Variants in PNLIPRP3 observed in about 807,000 individuals in gnomAD.
The protein encoded by PNLIPRP3 is pancreatic lipase related protein 3.
Under a neutral mutation model 52.8 loss-of-function variants are expected in PNLIPRP3, and 58 were observed. The observed-to-expected ratio is 1.10, with a 90% CI of 0.89 to 1.37. PNLIPRP3 has a LOEUF of 1.37. Among genes scored for constraint, PNLIPRP3 ranks in the 40% most tolerant of loss-of-function variants. The pLI, the probability that PNLIPRP3 is intolerant of heterozygous loss-of-function variation, is 0.00. For missense variants in PNLIPRP3, 593 were observed against 561.6 expected (o/e 1.06, Z -0.57); for synonymous variants, 192 against 185.0 (o/e 1.04, Z -0.31).
intron 9 of PNLIPRP3, among the ~76,000 whole-genome samples, chr10:116,470,231 G>C (rs1339524169): frequency 1.3e-5 from 2 of 152,240 alleles, no homozygotes; most frequent in East Asian, 3.9e-4. Context: ...GAGGCAGGTA[G>C]AGATACGGAT....
chr10:116,434,169 C>T (rs1043027913), intron 1 of PNLIPRP3, among the ~76,000 whole-genome samples: 3 of 152,080 alleles, frequency 2.0e-5, no homozygotes, highest in African/African-American at 7.2e-5. Context: ...TCTTTCTCTC[C>T]TTTTGTGACC....
At chr10:116,453,024 G>A (rs965498894) in intron 4 of PNLIPRP3, among the ~76,000 whole-genome samples, 3 of 152,176 alleles carry the variant, frequency 2.0e-5, no homozygotes, top group Admixed American at 1.3e-4. Context: ...AAACTGGCAG[G>A]CACTCAACTC....
At chr10:116,435,969 C>G (rs923880260) in intron 1 of PNLIPRP3, among the ~76,000 whole-genome samples, 1 of 152,162 alleles carries the variant, frequency 6.6e-6, no homozygotes, top group African/African-American at 2.4e-5. Flanking sequence ...TTAATCAAGA[C>G]AGTGTGATAC....
rs773230317 is a variant in PNLIPRP3 at position 116,469,319 on chromosome 10, T to C, written c.1060+2T>C. 12 of 1,599,568 alleles carry C rather than the reference T, an allele frequency of 7.5e-6. No homozygotes were observed. The highest frequency in any genetic ancestry group is 1.0e-5 in the Non-Finnish European group (12 of 1,174,330). On this transcript the variant is annotated splice_donor_variant, in intron 9 of 11. Transcript: ENST00000369230. LOFTEE classifies it high-confidence loss of function. ...CAGGGTCCCTTTCCCCATTTGCCCG[T>C]AAGTATCATAGCTAAGTTTAATTGT... is the stretch of plus-strand genomic sequence containing the variant.
chr10:116,469,485 A>G (rs771577446), intron 9 of PNLIPRP3, among the ~76,000 whole-genome samples, 168 bp downstream of exon 9: 19 of 152,260 alleles, frequency 1.2e-4, no homozygotes, highest in Non-Finnish European at 8.8e-5. Flanking sequence ...AGTGGGAAAG[A>G]CAGCAAGTAA....
At chr10:116,468,263 C>A (rs2133153470) in intron 8 of PNLIPRP3, among the ~76,000 whole-genome samples, 1 of 151,076 alleles carries the variant, frequency 6.6e-6, no homozygotes, top group African/African-American at 2.4e-5. Flanking sequence ...GCATTTCCTT[C>A]TTTATTAGAC....
chr10:116,475,160 A>T (rs1278919396), intron 10 of PNLIPRP3, among the ~76,000 whole-genome samples: 1 of 152,228 alleles, frequency 6.6e-6, no homozygotes, highest in Non-Finnish European at 1.5e-5. Context: ...GGAGGCCATT[A>T]TCCTTAGCAA....
intron 2 of PNLIPRP3, among the ~76,000 whole-genome samples, chr10:116,441,040 G>A (rs765150358): frequency 6.6e-6 from 1 of 152,070 alleles, no homozygotes; most frequent in Non-Finnish European, 1.5e-5. Flanking sequence ...GTACAATATT[G>A]ACATCATTTC....
chr10:116,440,007 C>T, intron 2 of PNLIPRP3: 3 of 772,152 alleles, frequency 3.9e-6, no homozygotes, highest in Non-Finnish European at 7.1e-6. Context: ...CATAAGCAGA[C>T]ATCTTGCCGT....
At position 116,455,595 on chromosome 10, in the gene PNLIPRP3, A is replaced by T. The variant is rs941062102; in HGVS notation, c.457-127A>T. On this transcript the variant is annotated intron_variant, in intron 4 of 11. Coordinates refer to ENST00000369230, the MANE Select transcript of PNLIPRP3 (RefSeq NM_001011709.3). ...GGCAGAGGTGTCACTTTGTGACTTTACCAGTCCCTGTCTTATGTGCAAAAG... is the reference window on the plus strand; with the variant it reads ...GGCAGAGGTGTCACTTTGTGACTTTTCCAGTCCCTGTCTTATGTGCAAAAG... 7.5e-6 allele frequency: 5 copies of T among 668,548 alleles called. No individual in the cohort carries two copies. In the Admixed American group the frequency reaches 1.4e-4, roughly 19 times the overall value. The allele number at this position is 668,548 out of a possible 1,614,324, so 41.4% of individuals were successfully genotyped here.
chr10:116,429,688 G>C (rs144990223), intron 1 of PNLIPRP3, among the ~76,000 whole-genome samples: 349 of 152,298 alleles, frequency 2.3e-3, no homozygotes, highest in Middle Eastern at 0.017. Flanking sequence ...AGTCCTAATT[G>C]AGTGCTGAAA....
At position 116,476,675 on chromosome 10, in the gene PNLIPRP3, C is replaced by A. The variant is rs953478968; in HGVS notation, c.1196C>A (p.Thr399Asn). 1.5e-5 allele frequency: 23 copies of A among 1,581,810 alleles called. No individual in the cohort carries two copies. The highest frequency in any genetic ancestry group is 2.0e-5 in the Non-Finnish European group (23 of 1,168,174). ...AGTGGAAAACTTGAGCCAGGCATGACTTACACAAAATTAATCGATGCAGAT... is the reference window on the plus strand; with the variant it reads ...AGTGGAAAACTTGAGCCAGGCATGAATTACACAAAATTAATCGATGCAGAT... ...IVSGKLEPGM[T>N]YTKLIDADVN... Residue 399 changes from threonine (T) to asparagine (N), a missense_variant, in exon 11 of 12, where the codon ACT becomes AAT. Thr to Asn is a moderately conservative substitution (Grantham distance 65, BLOSUM62 0). Transcript: ENST00000369230.
intron 2 of PNLIPRP3, among the ~76,000 whole-genome samples, chr10:116,438,593 T>C (rs1378849405): frequency 6.6e-6 from 1 of 152,198 alleles, no homozygotes; most frequent in Non-Finnish European, 1.5e-5. Flanking sequence ...CTTCCCTCCA[T>C]TTGGAAAGAA....
intron 4 of PNLIPRP3, among the ~76,000 whole-genome samples, chr10:116,451,698 T>C (rs180746609): frequency 3.3e-5 from 5 of 152,298 alleles, no homozygotes; most frequent in Admixed American, 3.3e-4. Context: ...CCTTCCACCG[T>C]GATTGTAAGC....
At chr10:116,471,939 A>T in intron 10 of PNLIPRP3, 60 bp downstream of exon 10, 4 of 975,572 alleles carry the variant, frequency 4.1e-6, no homozygotes, top group Non-Finnish European at 6.3e-6. Flanking sequence ...ACACTAAGTG[A>T]GACTGGCTCA....
chr10:116,441,678 G>A (rs41284368), intron 2 of PNLIPRP3, among the ~76,000 whole-genome samples: 36 of 152,210 alleles, frequency 2.4e-4, no homozygotes, highest in Non-Finnish European at 4.0e-4. Context: ...TCAGAACATC[G>A]CTTGAGAGCC....
chr10:116,450,371 T>C (rs933089208), intron 4 of PNLIPRP3, among the ~76,000 whole-genome samples: 1 of 152,116 alleles, frequency 6.6e-6, no homozygotes, highest in African/African-American at 2.4e-5. Context: ...CACTGTGGCA[T>C]GGGGAAACCA....
At chr10:116,464,933 T>A (rs1050263908) in intron 7 of PNLIPRP3, among the ~76,000 whole-genome samples, 1 of 152,216 alleles carries the variant, frequency 6.6e-6, no homozygotes, top group Non-Finnish European at 1.5e-5. Context: ...GTGGGATGGC[T>A]ACAGTGTTTC....
At chr10:116,454,754 A>G (rs1488534569) in intron 4 of PNLIPRP3, among the ~76,000 whole-genome samples, 2 of 152,228 alleles carry the variant, frequency 1.3e-5, no homozygotes, top group African/African-American at 2.4e-5. Flanking sequence ...TTCATTGTGC[A>G]GGTATAACAC....
Sources: gnomAD v4.1 joint callset for allele counts (sites outside exome capture counted in the v4.1 genomes callset) on GRCh38, gnomAD v4.1.1 for gene constraint, MANE v1.5 for transcripts, NCBI Gene and HGNC (gene_info 2026-07-23, HGNC 2026-07-21) for gene names.